CLVS1: variants seen among roughly 807,000 people sequenced by gnomAD.
CLVS1 encodes clavesin-1.
A neutral mutation model predicts 33.1 loss-of-function variants in CLVS1; 10 were observed. The ratio of observed to expected loss-of-function variants is 0.30; its 90% CI spans 0.19 to 0.51. The LOEUF (loss-of-function observed/expected upper bound fraction) is 0.51, where lower values mean the gene tolerates loss of function less well. Ranked by LOEUF, CLVS1 falls within the 20% of genes least tolerant of loss-of-function variation. The pLI, the probability that CLVS1 is intolerant of heterozygous loss-of-function variation, is 0.97. For missense variants in CLVS1, 343 were observed against 433.4 expected (o/e 0.79, Z 1.85); for synonymous variants, 163 against 166.1 (o/e 0.98, Z 0.14).
chr8:61,015,635 G>A, the CLVS1 span, among the ~76,000 whole-genome samples: 1 of 152,184 alleles, frequency 6.6e-6, no homozygotes, highest in Non-Finnish European at 1.5e-5. Context: ...ACACGTGGGA[G>A]AAAAGTGAGT....
chr8:61,211,021 G>A (rs1487298812), intron 2 of CLVS1, among the ~76,000 whole-genome samples: 2 of 152,084 alleles, frequency 1.3e-5, no homozygotes, highest in Non-Finnish European at 2.9e-5. Context: ...GTAAAGTAGA[G>A]GAAAGCCAAA....
chr8:61,401,478 C>T (rs890422195), intron 3 of CLVS1, among the ~76,000 whole-genome samples: 1 of 151,898 alleles, frequency 6.6e-6, no homozygotes, highest in South Asian at 2.1e-4. Context: ...TCACCACCAC[C>T]TTATTTTAAA....
At chr8:61,226,843 T>C (rs1808340908) in intron 2 of CLVS1, among the ~76,000 whole-genome samples, 1 of 152,098 alleles carries the variant, frequency 6.6e-6, no homozygotes, top group Non-Finnish European at 1.5e-5. Flanking sequence ...CGGAAGGCAA[T>C]GGGATCTAAA....
the CLVS1 span, among the ~76,000 whole-genome samples, chr8:61,042,187 G>T: frequency 2.0e-5 from 3 of 152,180 alleles, no homozygotes; most frequent in Non-Finnish European, 4.4e-5. Context: ...AAAATGAGGA[G>T]AACTCTCTCA....
chr8:61,438,252 C>A (rs1479329366), intron 3 of CLVS1, among the ~76,000 whole-genome samples: 1 of 152,122 alleles, frequency 6.6e-6, no homozygotes, highest in East Asian at 1.9e-4. Flanking sequence ...TTGTTCAGCT[C>A]CCACTTATAA....
At chr8:61,232,369 T>C (rs1808466909) in intron 2 of CLVS1, among the ~76,000 whole-genome samples, 1 of 152,064 alleles carries the variant, frequency 6.6e-6, no homozygotes, top group Non-Finnish European at 1.5e-5. Context: ...AAGGTACAGT[T>C]TGCACAGGAG....
intron 2 of CLVS1, among the ~76,000 whole-genome samples, chr8:61,344,042 A>C (rs941901872): frequency 1.3e-5 from 2 of 152,200 alleles, no homozygotes; most frequent in African/African-American, 2.4e-5. Flanking sequence ...ATGTGCAATA[A>C]TAATTGCTAA....
the CLVS1 span, among the ~76,000 whole-genome samples, chr8:60,994,563 T>G: frequency 6.6e-6 from 1 of 152,208 alleles, no homozygotes; most frequent in East Asian, 1.9e-4. Flanking sequence ...CCCTATTTTC[T>G]TCTGTTTCAC....
chr8:61,275,511 A>G (rs1417003602), intron 2 of CLVS1, among the ~76,000 whole-genome samples: 2 of 152,212 alleles, frequency 1.3e-5, no homozygotes, highest in African/African-American at 2.4e-5. Flanking sequence ...AGAACAAACT[A>G]AAAATTTAGG....
At chr8:61,039,604 G>C in the CLVS1 span, among the ~76,000 whole-genome samples, 1 of 151,904 alleles carries the variant, frequency 6.6e-6, no homozygotes, top group East Asian at 1.9e-4. Flanking sequence ...GTGCAGCGGC[G>C]TGATCACAGC....
the CLVS1 span, among the ~76,000 whole-genome samples, chr8:60,980,657 T>C: frequency 6.6e-6 from 1 of 152,142 alleles, no homozygotes; most frequent in African/African-American, 2.4e-5. Flanking sequence ...TGGTGGCACA[T>C]GCCTGTAATC....
intron 2 of CLVS1, among the ~76,000 whole-genome samples, chr8:61,253,305 G>A (rs2129591793): frequency 6.6e-6 from 1 of 152,304 alleles, no homozygotes; most frequent in Middle Eastern, 3.4e-3. Flanking sequence ...TAGTCTGATG[G>A]ACTTCCCTTT....
intron 1 of CLVS1, among the ~76,000 whole-genome samples, chr8:61,086,761 C>T (rs866132004): frequency 6.6e-6 from 1 of 152,114 alleles, no homozygotes; most frequent in Admixed American, 6.5e-5. Flanking sequence ...TTGATCCTGT[C>T]TCCTACGGTT....
chr8:61,230,635 T>C (rs1322145545), intron 2 of CLVS1, among the ~76,000 whole-genome samples: 9 of 152,244 alleles, frequency 5.9e-5, no homozygotes, highest in African/African-American at 2.2e-4. Context: ...TATAATTTGC[T>C]GTTTTTTCTT....
the CLVS1 span, among the ~76,000 whole-genome samples, chr8:60,976,522 G>A: frequency 3.3e-5 from 5 of 152,070 alleles, no homozygotes; most frequent in African/African-American, 9.7e-5. Flanking sequence ...CAGCCCTGCT[G>A]TCTATCTTGT....
At chr8:61,073,713 T>C (rs1421298659) in intron 1 of CLVS1, among the ~76,000 whole-genome samples, 2 of 152,054 alleles carry the variant, frequency 1.3e-5, no homozygotes, top group Non-Finnish European at 2.9e-5. Context: ...AGTACTGTTA[T>C]AAAAAATTAT....
chr8:61,131,429 T>C (rs1442668047), intron 1 of CLVS1, among the ~76,000 whole-genome samples: 1 of 152,122 alleles, frequency 6.6e-6, no homozygotes, highest in East Asian at 1.9e-4. Context: ...AGGGACAATA[T>C]TGGGCTGGGA....
intron 3 of CLVS1, among the ~76,000 whole-genome samples, chr8:61,420,609 GA>G (rs972665907): frequency 6.9e-6 from 1 of 145,982 alleles, no homozygotes; most frequent in Admixed American, 6.9e-5. Flanking sequence ...CTCAAAAATA[GA>G]AAAAAAAGTC....
chr8:61,442,662 C>G (rs986860626), intron 3 of CLVS1, among the ~76,000 whole-genome samples: 3 of 152,014 alleles, frequency 2.0e-5, no homozygotes, highest in African/African-American at 7.3e-5. Flanking sequence ...TGCAGTGGCG[C>G]GATCTTGGCT....
Sources: gnomAD v4.1 joint callset for allele counts (sites outside exome capture counted in the v4.1 genomes callset) on GRCh38, gnomAD v4.1.1 for gene constraint, MANE v1.5 for transcripts, NCBI Gene and HGNC (gene_info 2026-07-23, HGNC 2026-07-21) for gene names.